CSMD1: variants seen among roughly 807,000 people sequenced by gnomAD.
CSMD1 encodes CUB and sushi domain-containing protein 1.
CSMD1 carries 213 observed loss-of-function variants against 417.5 expected under a neutral mutation model. The ratio of observed to expected loss-of-function variants is 0.51; its 90% CI spans 0.46 to 0.57. CSMD1 has a LOEUF of 0.57. CSMD1 is among the 20% of genes least tolerant of loss of function. The probability of loss-of-function intolerance (pLI) is 0.00; values close to 1 mark genes in which losing one functional copy is unlikely to be tolerated. For synonymous variants in CSMD1, 2,862 were observed against 1,736.8 expected (o/e 1.65, Z -16.11); for missense variants, 6,923 against 4,529.7 (o/e 1.53, Z -15.17).
At chr8:3,513,951 T>C (rs1797183133) in intron 10 of CSMD1, among the ~76,000 whole-genome samples, 1 of 152,162 alleles carries the variant, frequency 6.6e-6, no homozygotes, top group Non-Finnish European at 1.5e-5. Flanking sequence ...TGAGAGTAGG[T>C]ACTTGTAATA....
At chr8:4,415,800 C>T (rs543919562) in intron 3 of CSMD1, among the ~76,000 whole-genome samples, 1 of 152,244 alleles carries the variant, frequency 6.6e-6, no homozygotes, top group East Asian at 1.9e-4. Flanking sequence ...CACGTGTTTA[C>T]ATGTATGTGC....
At chr8:3,279,172 G>C (rs1802540425) in intron 26 of CSMD1, 1 of 152,166 alleles carries the variant, frequency 6.6e-6, no homozygotes, top group African/African-American at 2.4e-5. Context: ...TCCTTAGAGA[G>C]AAACACATGA....
chr8:4,216,293 C>G (rs1328808533), intron 3 of CSMD1, among the ~76,000 whole-genome samples: 1 of 152,006 alleles, frequency 6.6e-6, no homozygotes, highest in South Asian at 2.1e-4. Context: ...CTGTGGTTGC[C>G]TAGTCAATTC....
intron 2 of CSMD1, among the ~76,000 whole-genome samples, chr8:4,439,344 T>A (rs570100729): frequency 1.3e-5 from 2 of 152,300 alleles, no homozygotes; most frequent in East Asian, 3.9e-4. Context: ...TATTCAAAAT[T>A]AAAGAAATTG....
intron 4 of CSMD1, 40 bp downstream of exon 4, chr8:4,031,865 G>T: frequency 6.6e-7 from 1 of 1,515,194 alleles, no homozygotes; most frequent in Non-Finnish European, 9.0e-7. Flanking sequence ...CCATTGCCCT[G>T]CCCTGGAGTC....
chr8:4,713,778 G>T (rs1162111854), intron 1 of CSMD1, among the ~76,000 whole-genome samples: 1 of 152,136 alleles, frequency 6.6e-6, no homozygotes, highest in Non-Finnish European at 1.5e-5. Context: ...AGAAGCTTGG[G>T]CTGGAGATCA....
At chr8:3,993,974 G>A (rs1002719278) in intron 5 of CSMD1, among the ~76,000 whole-genome samples, 4 of 152,170 alleles carry the variant, frequency 2.6e-5, no homozygotes, top group African/African-American at 9.6e-5. Context: ...ACAGGGATGG[G>A]TTCACAGGGG....
intron 12 of CSMD1, among the ~76,000 whole-genome samples, chr8:3,410,257 T>C (rs1267774640): frequency 2.0e-5 from 3 of 152,250 alleles, no homozygotes; most frequent in South Asian, 2.1e-4. Flanking sequence ...TTTATTTATT[T>C]ATTCATTTAA....
rs542827543 is a variant in CSMD1, at chr8:3,935,118, T to C, written c.818+62785A>G. Among the ~76,000 whole-genome samples, 25 of 152,238 alleles carry C rather than the reference T, an allele frequency of 1.6e-4. 1 individual carries two copies. The highest frequency in any genetic ancestry group is 1.5e-3 in the South Asian group (7 of 4,816). On this transcript the variant is annotated intron_variant, in intron 5 of 69. Transcript: ENST00000635120. ...TTAAAACAACATGCCTTCTCACACA[T>C]TTTCTCTGTATGTCAGAAGTAAGAT... is the stretch of plus-strand genomic sequence containing the variant.
chr8:3,957,741 A>G (rs1022922056), intron 5 of CSMD1, among the ~76,000 whole-genome samples: 2 of 152,126 alleles, frequency 1.3e-5, no homozygotes, highest in Non-Finnish European at 2.9e-5. Context: ...GAAATGTAGA[A>G]AAGAAAAAAG....
intron 2 of CSMD1, among the ~76,000 whole-genome samples, chr8:4,589,359 T>C (rs1585295698): frequency 6.6e-6 from 1 of 152,188 alleles, no homozygotes; most frequent in Non-Finnish European, 1.5e-5. Context: ...GTATTAACCA[T>C]AATATCTCAC....
At chr8:4,627,931 T>C (rs771435454) in intron 2 of CSMD1, among the ~76,000 whole-genome samples, 4 of 152,090 alleles carry the variant, frequency 2.6e-5, no homozygotes, top group Non-Finnish European at 4.4e-5. Flanking sequence ...TGCAGGACGA[T>C]GATCAGCATC....
At chr8:4,138,700 T>C (rs1322934588) in intron 3 of CSMD1, among the ~76,000 whole-genome samples, 1 of 152,184 alleles carries the variant, frequency 6.6e-6, no homozygotes, top group Admixed American at 6.5e-5. Flanking sequence ...ATGAATTCAA[T>C]ATTTCTTCAT....
chr8:4,828,339 G>C (rs572373508), intron 1 of CSMD1, among the ~76,000 whole-genome samples: 3 of 152,094 alleles, frequency 2.0e-5, no homozygotes, highest in East Asian at 1.9e-4. Flanking sequence ...AAGAAAATAA[G>C]GTAGCATAAG....
chr8:3,406,032 C>T lies in CSMD1; in HGVS notation c.2261G>A (p.Cys754Tyr). ...GGGGGTGGCAGGGACTGCACCTTCA[C>T]AGCGGGGCACGGTGGAGCTCCAGAC... Reference protein sequence around the residue: ...NVVWSSTVPRCEAPCGGHLTA... With the variant: ...NVVWSSTVPRYEAPCGGHLTA... The change falls in exon 15 of 70, where the codon TGT (cysteine) becomes TAT (tyrosine). Residue 754 changes from cysteine (C) to tyrosine (Y), a missense_variant. Transcript: ENST00000635120. 1 of 1,613,526 alleles carries T rather than the reference C, an allele frequency of 6.2e-7. No individual in the cohort carries two copies. Among genetic ancestry groups the T allele is most frequent in the Non-Finnish European group, 8.5e-7 (1 of 1,179,714 alleles).
At chr8:4,940,355 A>T (rs1807912828) in intron 1 of CSMD1, among the ~76,000 whole-genome samples, 4 of 152,238 alleles carry the variant, frequency 2.6e-5, no homozygotes, top group African/African-American at 9.6e-5. Flanking sequence ...CATTTTTAAA[A>T]TATGCAAATT....
intron 5 of CSMD1, among the ~76,000 whole-genome samples, chr8:3,819,269 T>C (rs939278413): frequency 3.3e-5 from 5 of 152,146 alleles, no homozygotes; most frequent in Admixed American, 2.6e-4. Context: ...CTTTCAGTTA[T>C]AAGGAACTTC....
chr8:3,138,889 A>G (rs1025510750), intron 41 of CSMD1, among the ~76,000 whole-genome samples: 5 of 152,220 alleles, frequency 3.3e-5, no homozygotes, highest in South Asian at 2.1e-4. Flanking sequence ...CACAAAAGGA[A>G]TAAGTCCGGT....
At chr8:4,930,232 G>T (rs897998453) in intron 1 of CSMD1, among the ~76,000 whole-genome samples, 1 of 152,206 alleles carries the variant, frequency 6.6e-6, no homozygotes, top group African/African-American at 2.4e-5. Context: ...CACATATTAG[G>T]CATCTCGTGC....
Sources: gnomAD v4.1 joint callset for allele counts (sites outside exome capture counted in the v4.1 genomes callset) on GRCh38, gnomAD v4.1.1 for gene constraint, MANE v1.5 for transcripts, NCBI Gene and HGNC (gene_info 2026-07-23, HGNC 2026-07-21) for gene names.